PHF20L1: variants seen among roughly 807,000 people sequenced by gnomAD.
PHF20L1 encodes PHD finger protein 20-like protein 1.
In PHF20L1, 44 loss-of-function variants were observed where a neutral mutation model predicts 125.5. That is an observed-to-expected ratio of 0.35 (90% CI 0.28 to 0.45). The LOEUF (loss-of-function observed/expected upper bound fraction) is 0.45. PHF20L1 is among the 20% of genes least tolerant of loss of function. The probability of loss-of-function intolerance (pLI) is 1.00; values close to 1 mark genes in which losing one functional copy is unlikely to be tolerated. For missense variants in PHF20L1, 1,012 were observed against 1,217.2 expected, an observed-to-expected ratio of 0.83 and a Z score of 2.51; for synonymous variants, 380 against 403.1, an observed-to-expected ratio of 0.94 and a Z score of 0.69.
At position 132,843,310 on chromosome 8, in the gene PHF20L1, A is replaced by G. The variant is rs77760717; in HGVS notation, c.2748+435A>G. 8.0e-4 allele frequency: 787 copies of G among 984,484 alleles called. 6 individuals are homozygous for G. In the African/African-American group the frequency reaches 0.012, roughly 15 times the overall value. 61.0% of individuals were successfully genotyped at this position (984,484 alleles called of 1,614,324 possible). ...AGCATGTTTGTCAATGCATCCCACT[A>G]TTCAGTAAGGTGAATTCTGACAGAT... is the stretch of plus-strand genomic sequence containing the variant. On this transcript the variant is annotated intron_variant, in intron 19 of 20. Transcript: ENST00000395386.
chr8:132,797,499 G>C (rs1388974940), intron 4 of PHF20L1, among the ~76,000 whole-genome samples: 1 of 151,966 alleles, frequency 6.6e-6, no homozygotes. Flanking sequence ...AGGTATTAAT[G>C]CCCAGACGGC....
At chr8:132,806,285 A>C (rs1483132292) in intron 8 of PHF20L1, 2 of 151,816 alleles carry the variant, frequency 1.3e-5, no homozygotes, top group Admixed American at 6.6e-5. Flanking sequence ...CAACACAAAA[A>C]CTCTGCTGAG....
intron 19 of PHF20L1, 110 bp from the exon 20 acceptor site, chr8:132,844,046 T>C (rs903439114): frequency 2.0e-6 from 3 of 1,508,552 alleles, no homozygotes; most frequent in African/African-American, 1.4e-5. Flanking sequence ...TGGAGTCAGA[T>C]TGGATCTCAC....
In PHF20L1 at chr8:132,791,556, T is replaced by A. The variant is rs148467041; in HGVS notation, c.84-2854T>A. Among the ~76,000 whole-genome samples, 89 of 152,154 alleles carry A rather than the reference T, an allele frequency of 5.8e-4. No individual in the cohort carries two copies. In the East Asian group the frequency reaches 0.016, roughly 27 times the overall value. ...GCATGAGCCACCGTGGCTGGCCGAG[T>A]TGTTTCGTTTCCTTTTTATGTACCA... is the stretch of plus-strand genomic sequence containing the variant. On this transcript the variant is annotated intron_variant, in intron 2 of 20. Coordinates refer to ENST00000395386, the MANE Select transcript of PHF20L1 (RefSeq NM_016018.5).
chr8:132,820,544 G>T, intron 12 of PHF20L1, among the ~76,000 whole-genome samples: 1 of 151,880 alleles, frequency 6.6e-6, no homozygotes, highest in Middle Eastern at 3.2e-3. Flanking sequence ...TGGGTGTAAA[G>T]GAACAAAAGA....
chr8:132,843,503 T>C (rs996757771), intron 19 of PHF20L1: 32 of 984,320 alleles, frequency 3.3e-5, no homozygotes, highest in Middle Eastern at 5.2e-4. Flanking sequence ...TTAAGTGAAT[T>C]GGAACGTTTG....
intron 12 of PHF20L1, chr8:132,818,841 A>G (rs1256750439): frequency 1.3e-5 from 2 of 151,926 alleles, no homozygotes; most frequent in African/African-American, 4.8e-5. Flanking sequence ...AAAATATGTT[A>G]AAGTTATAAG....
At chr8:132,815,014 G>A in intron 10 of PHF20L1, 125 bp downstream of exon 10, 1 of 656,644 alleles carries the variant, frequency 1.5e-6, no homozygotes, top group Non-Finnish European at 2.5e-6. Context: ...TGATAGGGAA[G>A]GCTTGAAACT....
rs1834973077 is a variant in PHF20L1, at chr8:132,816,302, AG to A, written c.1184-585del. 2.0e-5 allele frequency: 3 copies of A among 151,742 alleles called. No individual in the cohort carries two copies. In the South Asian group the frequency reaches 6.2e-4, roughly 31 times the overall value. The allele number at this position is 151,742 out of a possible 1,614,324, so 9.4% of individuals were successfully genotyped here. On this transcript the variant is annotated intron_variant, in intron 10 of 20. Coordinates refer to ENST00000395386, the MANE Select transcript of PHF20L1 (RefSeq NM_016018.5). ...ATATCCTCATTATTTGCTCACAATA[AG>A]TATACAAAGTTGTTTTTGTTCATTT...
Position 132,804,721 on chromosome 8 carries a change from T to C in PHF20L1, c.828T>C (p.Ala276=). The change falls in exon 8 of 21, where the codon GCT becomes GCC. Residue 276 remains alanine, a synonymous_variant. Transcript: ENST00000395386. ...NQGNSFQAKR[A]RLNKITGLLA... ...GCAACTCGTTTCAGGCAAAGAGAGCTCGACTTAACAAGATTACTGGTAAAC... is the reference window on the plus strand; with the variant it reads ...GCAACTCGTTTCAGGCAAAGAGAGCCCGACTTAACAAGATTACTGGTAAAC... The C allele has an allele frequency of 1.9e-6, 3 of 1,606,394 alleles. No individual in the cohort carries two copies. The highest frequency in any genetic ancestry group is 2.5e-6 in the Non-Finnish European group (3 of 1,176,494).
At chr8:132,794,363 AC>A in intron 2 of PHF20L1, 46 bp from the exon 3 acceptor site, 1 of 1,227,688 alleles carries the variant, frequency 8.1e-7, no homozygotes, top group Non-Finnish European at 1.2e-6. Context: ...CTTTGTATAA[AC>A]AAATATAAGG....
intron 12 of PHF20L1, chr8:132,817,890 T>C (rs1478429724): frequency 5.2e-6 from 1 of 193,156 alleles, no homozygotes; most frequent in African/African-American, 2.4e-5. Flanking sequence ...AAATACTTAA[T>C]GGGATCAGTA....
intron 19 of PHF20L1, chr8:132,843,685 C>T (rs1838164936): frequency 2.0e-6 from 2 of 984,752 alleles, no homozygotes; most frequent in Non-Finnish European, 2.4e-6. Context: ...TTGCCTTTCC[C>T]TCCCTTCATT....
chr8:132,844,148 TG>T lies in PHF20L1; in HGVS notation c.2749-6del. On this transcript the variant is annotated splice_polypyrimidine_tract_variant and splice_region_variant and intron_variant, in intron 19 of 20. Coordinates refer to ENST00000395386, the MANE Select transcript of PHF20L1 (RefSeq NM_016018.5). ...TTGTGTTTATTTTCCAATGGTCCTT[TG>T]GAGAAGAATCCAGCTGAAGGGAATA... is the stretch of plus-strand genomic sequence containing the variant. 1 of 1,611,608 alleles carries T rather than the reference TG, an allele frequency of 6.2e-7. No homozygotes were observed. The highest frequency in any genetic ancestry group is 8.5e-7 in the Non-Finnish European group (1 of 1,178,474).
At chr8:132,787,682 G>T (rs1465673032) in intron 2 of PHF20L1, among the ~76,000 whole-genome samples, 1 of 152,128 alleles carries the variant, frequency 6.6e-6, no homozygotes, top group Non-Finnish European at 1.5e-5. Flanking sequence ...GTATCCAAAA[G>T]TGCTGAATTT....
rs1304066471 is a variant in PHF20L1 at position 132,844,187 on chromosome 8, A to G, written c.2780A>G (p.Tyr927Cys). Residue 927 changes from tyrosine to cysteine, a missense_variant, in exon 20 of 21, where the codon TAT becomes TGT. Tyr to Cys is a radical substitution (Grantham distance 194). Around this residue, in one of 7 missense-constraint regions of PHF20L1, gnomAD observed 277 missense variants for 283.6 expected, o/e 0.98. Coordinates refer to ENST00000395386, the MANE Select transcript of PHF20L1 (RefSeq NM_016018.5). ...GCTGAAGGGAATACAGTATTTGTTTATAATGATAAAAAGGGCACCGAAGAC... is the reference window on the plus strand; with the variant it reads ...GCTGAAGGGAATACAGTATTTGTTTGTAATGATAAAAAGGGCACCGAAGAC... ...NPAEGNTVFV[Y>C]NDKKGTEDPG... The G allele has an allele frequency of 6.2e-7, 1 of 1,612,932 alleles. No individual in the cohort carries two copies.
chr8:132,839,989 A>G (rs1837766332), intron 18 of PHF20L1, among the ~76,000 whole-genome samples: 1 of 152,086 alleles, frequency 6.6e-6, no homozygotes, highest in Non-Finnish European at 1.5e-5. Context: ...TTTAAAGGTG[A>G]TGAAGGGAGC....
chr8:132,804,829 A>G (rs2131573874), intron 8 of PHF20L1, 89 bp downstream of exon 8: 1 of 1,130,890 alleles, frequency 8.8e-7, no homozygotes, highest in Non-Finnish European at 1.3e-6. Flanking sequence ...AATGGTTTTG[A>G]TTTAGTGTCA....
intron 2 of PHF20L1, among the ~76,000 whole-genome samples, chr8:132,791,423 T>C (rs1002496305): frequency 3.9e-5 from 6 of 152,076 alleles, no homozygotes; most frequent in Non-Finnish European, 7.4e-5. Context: ...CCGGCAAATT[T>C]TGTTATTTTA....
Sources: allele counts gnomAD v4.1 joint callset (sites outside exome capture counted in the v4.1 genomes callset), GRCh38; gene constraint gnomAD v4.1.1; regional missense constraint gnomAD v4.1.1; transcripts MANE v1.5; gene names NCBI Gene and HGNC (gene_info 2026-07-23, HGNC 2026-07-21).